STAG1: variants seen among roughly 807,000 people sequenced by gnomAD.
STAG1 encodes the protein STAG1 cohesin complex component.
A neutral mutation model predicts 170.9 loss-of-function variants in STAG1; 26 were observed. The observed-to-expected ratio is 0.15, with a 90% CI of 0.11 to 0.21. The LOEUF is 0.21. STAG1 is among the 10% of genes least tolerant of loss of function. The probability of loss-of-function intolerance (pLI) is 1.00; values close to 1 mark genes in which losing one functional copy is unlikely to be tolerated. For synonymous variants in STAG1, 514 were observed against 497.7 expected (o/e 1.03, Z -0.44); for missense variants, 964 against 1,509.5 (o/e 0.64, Z 5.99).
intron 5 of STAG1, among the ~76,000 whole-genome samples, chr3:136,553,753 A>C (rs2107741890): frequency 6.6e-6 from 1 of 152,388 alleles, no homozygotes; most frequent in Non-Finnish European, 1.5e-5. Context: ...CAGCCTGGCA[A>C]GAGAGCGAGA....
At chr3:136,374,569 A>T (rs989447716) in intron 23 of STAG1, among the ~76,000 whole-genome samples, 3 of 152,078 alleles carry the variant, frequency 2.0e-5, no homozygotes, top group African/African-American at 7.2e-5. Context: ...GTGACCCGAG[A>T]ATGTGCCACT....
At chr3:136,735,810 A>C (rs1934301695) in intron 1 of STAG1, among the ~76,000 whole-genome samples, 1 of 152,198 alleles carries the variant, frequency 6.6e-6, no homozygotes, top group Non-Finnish European at 1.5e-5. Context: ...AGGTATAAAA[A>C]TTTATTATAC....
At chr3:136,546,839 AC>A (rs935167747) in intron 5 of STAG1, among the ~76,000 whole-genome samples, 1 of 152,330 alleles carries the variant, frequency 6.6e-6, no homozygotes, top group East Asian at 1.9e-4. Flanking sequence ...ATTTGAGACT[AC>A]TTAAGATTCT....
At chr3:136,650,344 G>A in intron 1 of STAG1, among the ~76,000 whole-genome samples, 1 of 151,424 alleles carries the variant, frequency 6.6e-6, no homozygotes, top group East Asian at 1.9e-4. Flanking sequence ...AAAATATACA[G>A]AATAAATATG....
At chr3:136,489,927 TA>T (rs2090090341) in intron 9 of STAG1, among the ~76,000 whole-genome samples, 1 of 152,178 alleles carries the variant, frequency 6.6e-6, no homozygotes, top group Non-Finnish European at 1.5e-5. Flanking sequence ...TGAAAGGTAG[TA>T]ATGTGTAAGA....
At chr3:136,386,856 G>C (rs2086886821) in intron 22 of STAG1, among the ~76,000 whole-genome samples, 1 of 151,974 alleles carries the variant, frequency 6.6e-6, no homozygotes, top group African/African-American at 2.4e-5. Context: ...ATGAAGCCAT[G>C]GAAAAACTAA....
intron 22 of STAG1, among the ~76,000 whole-genome samples, chr3:136,383,120 T>C (rs1446449816): frequency 6.6e-6 from 1 of 152,192 alleles, no homozygotes; most frequent in Non-Finnish European, 1.5e-5. Flanking sequence ...TACTGGGTCA[T>C]GTGATAGTAA....
chr3:136,645,230 A>C (rs1043039495), intron 1 of STAG1, among the ~76,000 whole-genome samples: 13 of 152,206 alleles, frequency 8.5e-5, no homozygotes, highest in African/African-American at 3.1e-4. Flanking sequence ...TACATCTTCT[A>C]TCTCTGCACC....
chr3:136,355,223 G>A (rs562345096), intron 28 of STAG1, among the ~76,000 whole-genome samples: 15 of 151,526 alleles, frequency 9.9e-5, no homozygotes, highest in Middle Eastern at 3.2e-3. Context: ...GTGGTGGCAC[G>A]CGCCTATAGT....
rs1211251281 is a variant in STAG1, at chr3:136,422,687, TAAC to T, written c.1834-77_1834-75del. On this transcript the variant is annotated intron_variant, in intron 18 of 33. Transcript: ENST00000383202. ...AAATAAAAAATTAGCATCTGTCAAA[TAAC>T]AAGTCTATAAGAGTACATGAAAATA... 16 of 1,536,360 alleles carry T rather than the reference TAAC, an allele frequency of 1.0e-5. No individual in the cohort carries two copies. In the African/African-American group the frequency reaches 1.9e-4, roughly 19 times the overall value.
chr3:136,636,544 T>C (rs1035671219), intron 1 of STAG1, among the ~76,000 whole-genome samples: 1 of 152,176 alleles, frequency 6.6e-6, no homozygotes, highest in African/African-American at 2.4e-5. Context: ...TACATGAATA[T>C]ACACTAAGTC....
intron 13 of STAG1, among the ~76,000 whole-genome samples, chr3:136,452,840 A>T (rs1429406907): frequency 6.6e-6 from 1 of 152,086 alleles, no homozygotes; most frequent in Non-Finnish European, 1.5e-5. Context: ...CCCAGGCTGG[A>T]GTGCAGTGGC....
chr3:136,734,801 C>CAT (rs1934243513), intron 1 of STAG1, among the ~76,000 whole-genome samples: 1 of 152,162 alleles, frequency 6.6e-6, no homozygotes, highest in Non-Finnish European at 1.5e-5. Context: ...CACTGCCACA[C>CAT]ATATAATAAG....
chr3:136,622,599 A>G (rs928568925), intron 3 of STAG1, among the ~76,000 whole-genome samples: 9 of 152,216 alleles, frequency 5.9e-5, no homozygotes, highest in African/African-American at 2.2e-4. Context: ...AGCAAATCAC[A>G]TCATAAAAGC....
intron 21 of STAG1, among the ~76,000 whole-genome samples, chr3:136,413,307 A>T (rs2087680625): frequency 6.7e-6 from 1 of 148,758 alleles, no homozygotes; most frequent in Non-Finnish European, 1.5e-5. Context: ...TATATATTAT[A>T]TATACATAGT....
intron 1 of STAG1, among the ~76,000 whole-genome samples, chr3:136,709,748 T>TG (rs989347210): frequency 1.4e-5 from 2 of 143,880 alleles, no homozygotes; most frequent in Non-Finnish European, 3.0e-5. Flanking sequence ...AGAAAGAAGG[T>TG]GGGGGGCCGG....
intron 1 of STAG1, among the ~76,000 whole-genome samples, chr3:136,703,603 C>T (rs372055798): frequency 6.6e-6 from 1 of 152,126 alleles, no homozygotes; most frequent in African/African-American, 2.4e-5. Context: ...TAGCTGACCA[C>T]GAAGATAACA....
chr3:136,664,476 G>C (rs1384726134), intron 1 of STAG1, among the ~76,000 whole-genome samples: 1 of 152,024 alleles, frequency 6.6e-6, no homozygotes, highest in Non-Finnish European at 1.5e-5. Context: ...AGCAATTGGG[G>C]GTACCTAGAA....
chr3:136,441,527 A>G (rs746773946), intron 15 of STAG1, among the ~76,000 whole-genome samples: 2 of 152,262 alleles, frequency 1.3e-5, no homozygotes, highest in African/African-American at 4.8e-5. Flanking sequence ...ATTTTGGGCC[A>G]GTTTACCAGC....
Sources: gnomAD v4.1 joint callset for allele counts (sites outside exome capture counted in the v4.1 genomes callset) on GRCh38, gnomAD v4.1.1 for gene constraint, MANE v1.5 for transcripts, NCBI Gene and HGNC (gene_info 2026-07-23, HGNC 2026-07-21) for gene names.